VWA8: variants seen among roughly 807,000 people sequenced by gnomAD.
The protein encoded by VWA8 is von Willebrand factor A domain-containing protein 8.
In VWA8, 221 loss-of-function variants were observed where a neutral mutation model predicts 241.5. That is an observed-to-expected ratio of 0.91 (90% CI 0.82 to 1.02). VWA8 has a LOEUF of 1.02. Ranked by LOEUF, VWA8 falls within the 50% of genes least tolerant of loss-of-function variation. The pLI, the probability that VWA8 is intolerant of heterozygous loss-of-function variation, is 0.00. For missense variants in VWA8, 2,322 were observed against 2,328.7 expected (o/e 1.00, Z 0.06); for synonymous variants, 852 against 827.1 (o/e 1.03, Z -0.52).
intron 12 of VWA8, among the ~76,000 whole-genome samples, chr13:41,836,941 C>T (rs1324368742): frequency 6.6e-6 from 1 of 152,082 alleles, no homozygotes; most frequent in African/African-American, 2.4e-5. Flanking sequence ...TCTTAGAAGA[C>T]TAGCTCAGTT....
chr13:41,740,006 C>T (rs1329184532), intron 21 of VWA8, among the ~76,000 whole-genome samples: 4 of 151,882 alleles, frequency 2.6e-5, no homozygotes. Flanking sequence ...AGGCACCTGC[C>T]ACCATGCCCG....
At chr13:41,619,117 T>C (rs922268489) in intron 37 of VWA8, among the ~76,000 whole-genome samples, 4 of 152,124 alleles carry the variant, frequency 2.6e-5, no homozygotes, top group Non-Finnish European at 4.4e-5. Context: ...CATGGAATGT[T>C]CTTCCATTTG....
At chr13:41,867,074 A>G (rs1873345740) in intron 10 of VWA8, among the ~76,000 whole-genome samples, 1 of 152,236 alleles carries the variant, frequency 6.6e-6, no homozygotes, top group Non-Finnish European at 1.5e-5. Context: ...TGGTATCAAC[A>G]TGGAAAGCTA....
chr13:41,765,831 T>A lies in VWA8; in HGVS notation c.2350-4627A>T, dbSNP rs2045775503. Among the ~76,000 whole-genome samples, 3 of 152,204 alleles carry A rather than the reference T, an allele frequency of 2.0e-5. No individual in the cohort carries two copies. The South Asian group carries it at 6.2e-4, about 32-fold the overall frequency. On this transcript the variant is annotated intron_variant, in intron 20 of 44. Transcript: ENST00000379310. ...AAATTTTTATATCATTAACTCTTAT[T>A]GAGAATAATATTTAGTAAGTGGAAA...
intron 12 of VWA8, among the ~76,000 whole-genome samples, chr13:41,861,695 C>T (rs1474118202): frequency 6.6e-6 from 1 of 152,094 alleles, no homozygotes; most frequent in African/African-American, 2.4e-5. Flanking sequence ...ATCCCATTTA[C>T]AACAGCCACA....
At chr13:41,573,506 TAC>T (rs2044327505) in intron 43 of VWA8, among the ~76,000 whole-genome samples, 2 of 141,638 alleles carry the variant, frequency 1.4e-5, no homozygotes, top group Admixed American at 7.2e-5. Context: ...TATATATATA[TAC>T]CTCTCTCTAT....
intron 37 of VWA8, among the ~76,000 whole-genome samples, chr13:41,660,169 A>G (rs767431235): frequency 3.4e-4 from 52 of 152,004 alleles, no homozygotes; most frequent in Middle Eastern, 6.8e-3. Flanking sequence ...AGGCTGGAGT[A>G]CAGTGGCATG....
rs1566485517 is a variant in VWA8, at chr13:41,863,455, T to TACACA, written c.1425+2280_1425+2281insTGTGT. 5.0e-4 allele frequency among the ~76,000 whole-genome samples: 44 copies of TACACA among 87,192 alleles called. 2 individuals carry two copies. Among genetic ancestry groups the TACACA allele is most frequent in the Admixed American group, 2.6e-3 (22 of 8,526 alleles). The allele number at this position is 87,192 out of a possible 152,430, so 57.2% of individuals were successfully genotyped here. The stretch of plus-strand genomic sequence containing the variant: ...TGTGTATATATATATATATATATAT[T>TACACA]CACACACACACACACACTATATATA... On this transcript the variant is annotated intron_variant, in intron 12 of 44. Coordinates refer to ENST00000379310, the MANE Select transcript of VWA8 (RefSeq NM_015058.2).
In VWA8 at chr13:41,882,165, G is replaced by A. The variant is rs374457144; in HGVS notation, c.1080+1222C>T. Among the ~76,000 whole-genome samples the A allele has an allele frequency of 7.2e-5, 11 of 151,744 alleles. No individual in the cohort carries two copies. The South Asian group carries it at 1.3e-3, about 17-fold the overall frequency. On this transcript the variant is annotated intron_variant, in intron 9 of 44. Transcript: ENST00000379310. Reference sequence around the variant, plus strand: ...TGGAGGTGCTCCTCACATCCCAGACGGGGCGGCAGGGCAGAGGCTCTCCCC... The same window carrying A: ...TGGAGGTGCTCCTCACATCCCAGACAGGGCGGCAGGGCAGAGGCTCTCCCC...
intron 4 of VWA8, among the ~76,000 whole-genome samples, chr13:41,902,939 G>A (rs1875526437): frequency 1.3e-5 from 2 of 152,146 alleles, no homozygotes; most frequent in South Asian, 4.1e-4. Context: ...ATACCCACCA[G>A]AGAGCCACAG....
intron 20 of VWA8, among the ~76,000 whole-genome samples, chr13:41,775,254 TTATAA>T (rs1197088633): frequency 3.9e-5 from 6 of 152,184 alleles, no homozygotes. Context: ...AACATTGGTA[TTATAA>T]TATAACACTG....
chr13:41,567,163 G>A lies in VWA8; in HGVS notation c.*1034C>T, dbSNP rs2044266624. 6.6e-6 allele frequency: 1 copy of A among 152,096 alleles called. No homozygotes were observed. Among genetic ancestry groups the A allele is most frequent in the African/African-American group, 2.4e-5 (1 of 41,422 alleles). The allele number at this position is 152,096 out of a possible 1,614,324, so 9.4% of individuals were successfully genotyped here. A position where few individuals can be genotyped will look rare whatever the true frequency, so the allele number is the denominator to read the frequency against. On this transcript the variant is annotated 3_prime_UTR_variant, in exon 45 of 45. Coordinates refer to ENST00000379310, the MANE Select transcript of VWA8 (RefSeq NM_015058.2). ...TAAACAAAGTAATATTGAGCTTATT[G>A]ATAAAATAAAGGTCAGCCCAAGAGT...
intron 40 of VWA8, among the ~76,000 whole-genome samples, chr13:41,601,812 G>T (rs1047123504): frequency 6.6e-6 from 1 of 152,044 alleles, no homozygotes; most frequent in African/African-American, 2.4e-5. Context: ...CATTAACATG[G>T]GTGGCAACAG....
chr13:41,772,825 C>A (rs2045834777), intron 20 of VWA8, among the ~76,000 whole-genome samples: 1 of 152,142 alleles, frequency 6.6e-6, no homozygotes, highest in South Asian at 2.1e-4. Context: ...ATCATAGATT[C>A]TTAGAAAAGA....
In VWA8 at chr13:41,833,465, A is replaced by G. The variant is rs1367142530; in HGVS notation, c.1492T>C (p.Ser498Pro). ...AGAGCAGCATTCACAAGGGGTGAGG[A>G]CCGCCAGGCAGTGTCTCCATTTGGA... ...TLPNGDTAWRSSPLVNAALEG... is the reference protein window; with the variant it reads ...TLPNGDTAWRPSPLVNAALEG... Residue 498 changes from serine (S) to proline (P), a missense_variant, in exon 13 of 45, where the codon TCC (serine) becomes CCC (proline). Ser to Pro is a moderately conservative substitution (Grantham distance 74). Transcript: ENST00000379310. 9 of 1,614,008 alleles carry G rather than the reference A, an allele frequency of 5.6e-6. No individual in the cohort carries two copies. Among genetic ancestry groups the G allele is most frequent in the Non-Finnish European group, 6.8e-6 (8 of 1,179,974 alleles).
chr13:41,875,401 C>T lies in VWA8; in HGVS notation c.1081-6924G>A, dbSNP rs369617316. The stretch of plus-strand genomic sequence containing the variant: ...TCTGCCTATAAAAATGTTTGTCTCC[C>T]CATTCCAGAAACAGTCATTTCTTCA... On this transcript the variant is annotated intron_variant, in intron 9 of 44. Coordinates refer to ENST00000379310, the MANE Select transcript of VWA8 (RefSeq NM_015058.2). Among the ~76,000 whole-genome samples the T allele has an allele frequency of 1.8e-4, 27 of 152,172 alleles. 1 individual carries two copies. In the East Asian group the frequency reaches 4.4e-3, roughly 25 times the overall value.
intron 2 of VWA8, chr13:41,926,753 C>T (rs759849664): frequency 2.0e-5 from 11 of 540,430 alleles, no homozygotes; most frequent in Admixed American, 1.2e-4. Context: ...CCCACCCTTC[C>T]AGAGAATCAG....
chr13:41,786,929 A>G (rs899493599), intron 18 of VWA8, among the ~76,000 whole-genome samples: 2 of 152,074 alleles, frequency 1.3e-5, no homozygotes, highest in African/African-American at 2.4e-5. Context: ...ATCCAGAAGA[A>G]AAGTACCACA....
chr13:41,771,679 A>T (rs1021396124), intron 20 of VWA8, among the ~76,000 whole-genome samples: 2 of 152,062 alleles, frequency 1.3e-5, no homozygotes, highest in Non-Finnish European at 2.9e-5. Context: ...CCCATACTCA[A>T]GCAATCCTTC....
Sources: allele counts gnomAD v4.1 joint callset (sites outside exome capture counted in the v4.1 genomes callset), GRCh38; gene constraint gnomAD v4.1.1; transcripts MANE v1.5; gene names NCBI Gene and HGNC (gene_info 2026-07-23, HGNC 2026-07-21).